Variants in SHISA6 observed in about 807,000 individuals in gnomAD.
SHISA6 encodes the protein protein shisa-6.
In SHISA6, 22 loss-of-function variants were observed where a neutral mutation model predicts 47.9. The observed-to-expected ratio is 0.46, with a 90% CI of 0.33 to 0.66. SHISA6 has a LOEUF of 0.66. Among genes scored for constraint, SHISA6 ranks in the 30% least tolerant of loss-of-function variants. The probability of loss-of-function intolerance (pLI) is 0.02; values close to 1 mark genes in which losing one functional copy is unlikely to be tolerated. For synonymous variants in SHISA6, 388 were observed against 337.8 expected (o/e 1.15, Z -1.63); for missense variants, 680 against 764.6 (o/e 0.89, Z 1.30).
Position 11,253,054 on chromosome 17 carries a change from G to T in SHISA6, c.639-10312G>T, listed in dbSNP as rs536515872. 3.3e-5 allele frequency among the ~76,000 whole-genome samples: 5 copies of T among 152,286 alleles called. No individual in the cohort carries two copies. The East Asian group carries it at 7.7e-4, about 23-fold the overall frequency. The stretch of plus-strand genomic sequence containing the variant: ...GAAGAATATATCGGGCTTTTGAGCC[G>T]AGGATCTCTTACACCTCTCCCTTGC... On this transcript the variant is annotated intron_variant, in intron 1 of 5. Coordinates refer to ENST00000441885, the MANE Select transcript of SHISA6 (RefSeq NM_207386.4).
rs141708675 is a variant in SHISA6 at position 11,312,580 on chromosome 17, A to G, written c.799+49054A>G. Reference sequence around the variant, plus strand: ...GATTCCTTAGTTGTCCAAAGGGATCACTACCTTTAAGAGGAAGCATCCAAA... The same window carrying G: ...GATTCCTTAGTTGTCCAAAGGGATCGCTACCTTTAAGAGGAAGCATCCAAA... On this transcript the variant is annotated intron_variant, in intron 2 of 5. Coordinates refer to ENST00000441885, the MANE Select transcript of SHISA6 (RefSeq NM_207386.4). 3.1e-3 allele frequency among the ~76,000 whole-genome samples: 470 copies of G among 152,352 alleles called. 5 individuals are homozygous for G. The highest frequency in any genetic ancestry group is 0.01 in the African/African-American group (430 of 41,592).
intron 2 of SHISA6, among the ~76,000 whole-genome samples, chr17:11,332,917 G>A (rs1318516801): frequency 6.6e-6 from 1 of 152,168 alleles, no homozygotes; most frequent in African/African-American, 2.4e-5. Context: ...TCTCTCGGGT[G>A]GTGGTAGAAG....
At chr17:11,294,506 G>T (rs11652597) in intron 2 of SHISA6, among the ~76,000 whole-genome samples, 5 of 152,182 alleles carry the variant, frequency 3.3e-5, no homozygotes, top group Non-Finnish European at 5.9e-5. Context: ...CCGCGTGCGA[G>T]GCTGCTCCTT....
intron 3 of SHISA6, among the ~76,000 whole-genome samples, chr17:11,518,807 C>G (rs1312784982): frequency 6.6e-6 from 1 of 152,202 alleles, no homozygotes; most frequent in African/African-American, 2.4e-5. Context: ...GACAGAGAAA[C>G]ATTCCTTTAA....
At chr17:11,280,031 G>A (rs75380224) in intron 2 of SHISA6, among the ~76,000 whole-genome samples, 39 of 152,236 alleles carry the variant, frequency 2.6e-4, no homozygotes, top group Non-Finnish European at 4.9e-4. Context: ...CTGCTTGGGC[G>A]TTCTGAGCCT....
At chr17:11,374,852 T>G (rs1373140453) in intron 2 of SHISA6, among the ~76,000 whole-genome samples, 1 of 151,944 alleles carries the variant, frequency 6.6e-6, no homozygotes, top group African/African-American at 2.4e-5. Flanking sequence ...ATAATTCATA[T>G]TATATGTAAC....
intron 3 of SHISA6, among the ~76,000 whole-genome samples, chr17:11,530,500 T>G (rs1244166993): frequency 6.6e-6 from 1 of 152,230 alleles, no homozygotes; most frequent in African/African-American, 2.4e-5. Flanking sequence ...TTATACATGT[T>G]AACTATAGAG....
chr17:11,391,824 G>A (rs1442852847), intron 3 of SHISA6, among the ~76,000 whole-genome samples: 1 of 152,120 alleles, frequency 6.6e-6, no homozygotes, highest in Non-Finnish European at 1.5e-5. Flanking sequence ...TCGGCCTACT[G>A]CATCGAATAA....
chr17:11,267,223 C>A (rs1359056514), intron 2 of SHISA6, among the ~76,000 whole-genome samples: 2 of 152,128 alleles, frequency 1.3e-5, no homozygotes, highest in African/African-American at 4.8e-5. Flanking sequence ...TGCTTTAATC[C>A]CTTACCCCTC....
chr17:11,254,667 T>A (rs769430680), intron 1 of SHISA6, among the ~76,000 whole-genome samples: 2 of 152,234 alleles, frequency 1.3e-5, no homozygotes, highest in Non-Finnish European at 2.9e-5. Context: ...GCAATTCTAG[T>A]TGATTCTCAT....
chr17:11,333,243 G>C (rs1390325810), intron 2 of SHISA6, among the ~76,000 whole-genome samples: 1 of 152,178 alleles, frequency 6.6e-6, no homozygotes, highest in Non-Finnish European at 1.5e-5. Flanking sequence ...CGGGTTGAGA[G>C]TGTGGAACTA....
At chr17:11,509,817 T>C (rs2095558384) in intron 3 of SHISA6, among the ~76,000 whole-genome samples, 1 of 152,176 alleles carries the variant, frequency 6.6e-6, no homozygotes, top group African/African-American at 2.4e-5. Context: ...GAGATGCTCA[T>C]CCTCTTAATA....
rs199511766 is a variant in SHISA6 at position 11,526,120 on chromosome 17, G to A, written c.896-25776G>A. Among the ~76,000 whole-genome samples, 149 of 92,642 alleles carry A rather than the reference G, an allele frequency of 1.6e-3. 2 individuals are homozygous for A. Among genetic ancestry groups the A allele is most frequent in the African/African-American group, 5.8e-3 (134 of 22,988 alleles). The allele number at this position is 92,642 out of a possible 152,430, so 60.8% of individuals were successfully genotyped here. A position where few individuals can be genotyped will look rare whatever the true frequency, so the allele number is the denominator to read the frequency against. On this transcript the variant is annotated intron_variant, in intron 3 of 5. Coordinates refer to ENST00000441885, the MANE Select transcript of SHISA6 (RefSeq NM_207386.4). ...GACCCTACCAAGGGGACCCCCCCCC[G>A]CTCTCTGCTGATTTGGTGTGGCCCA...
intron 3 of SHISA6, among the ~76,000 whole-genome samples, chr17:11,443,661 A>C (rs1435896680): frequency 6.6e-6 from 1 of 152,184 alleles, no homozygotes; most frequent in African/African-American, 2.4e-5. Flanking sequence ...AAAGAGATTA[A>C]GTCATATAAA....
intron 1 of SHISA6, among the ~76,000 whole-genome samples, chr17:11,256,467 G>T (rs1302013828): frequency 5.9e-5 from 9 of 152,162 alleles, no homozygotes; most frequent in African/African-American, 2.2e-4. Context: ...CTGCACTCCA[G>T]TCTGGGTAAC....
Position 11,486,046 on chromosome 17 carries a change from CAG to C in SHISA6, c.896-65849_896-65848del, listed in dbSNP as rs572406189. Among the ~76,000 whole-genome samples the C allele has an allele frequency of 1.0e-3, 153 of 152,282 alleles. 1 individual carries two copies. The highest frequency in any genetic ancestry group is 3.2e-3 in the African/African-American group (131 of 41,574). On this transcript the variant is annotated intron_variant, in intron 3 of 5. Coordinates refer to ENST00000441885, the MANE Select transcript of SHISA6 (RefSeq NM_207386.4). Reference sequence around the variant, plus strand: ...AACAAAAACTGCTGTAAGAAGCAAACAGGGGGAGTTTTTTCCTTGAATGGGCC... The same window carrying C: ...AACAAAAACTGCTGTAAGAAGCAAACGGGGAGTTTTTTCCTTGAATGGGCC...
chr17:11,390,280 G>A (rs1195749535), intron 3 of SHISA6, among the ~76,000 whole-genome samples: 1 of 152,168 alleles, frequency 6.6e-6, no homozygotes, highest in Non-Finnish European at 1.5e-5. Context: ...TGACCTCTTT[G>A]ACATTCATCT....
At position 11,487,462 on chromosome 17, in the gene SHISA6, G is replaced by A. The variant is rs147285201; in HGVS notation, c.896-64434G>A. The stretch of plus-strand genomic sequence containing the variant: ...AGAATGTTGTGGGGTTTGGTTGGGC[G>A]GAAAGTGGGGACAAGAGTCAGACCT... On this transcript the variant is annotated intron_variant, in intron 3 of 5. Transcript: ENST00000441885. Among the ~76,000 whole-genome samples, 297 of 152,282 alleles carry A rather than the reference G, an allele frequency of 2.0e-3. 8 individuals are homozygous for A. The East Asian group carries it at 0.053, about 27-fold the overall frequency.
intron 3 of SHISA6, among the ~76,000 whole-genome samples, chr17:11,528,356 G>A (rs2071703933): frequency 6.6e-6 from 1 of 152,164 alleles, no homozygotes; most frequent in Non-Finnish European, 1.5e-5. Context: ...ATCAGCAAAT[G>A]TAATTCCAAA....
Sources: gnomAD v4.1 joint callset for allele counts (sites outside exome capture counted in the v4.1 genomes callset) on GRCh38, gnomAD v4.1.1 for gene constraint, MANE v1.5 for transcripts, NCBI Gene and HGNC (gene_info 2026-07-23, HGNC 2026-07-21) for gene names.